CCNT1: variants seen among roughly 807,000 people sequenced by gnomAD.
CCNT1 encodes cyclin-T1.
Under a neutral mutation model 67.3 loss-of-function variants are expected in CCNT1, and 18 were observed. The ratio of observed to expected loss-of-function variants is 0.27; its 90% CI spans 0.18 to 0.40. The LOEUF (loss-of-function observed/expected upper bound fraction) is 0.40, where lower values mean the gene tolerates loss of function less well. Among genes scored for constraint, CCNT1 ranks in the 10% least tolerant of loss-of-function variants. The probability of loss-of-function intolerance (pLI) is 1.00; values close to 1 mark genes in which losing one functional copy is unlikely to be tolerated. For missense variants in CCNT1, 744 were observed against 884.9 expected (o/e 0.84, Z 2.02); for synonymous variants, 333 against 310.3 (o/e 1.07, Z -0.77).
rs61755289 is a variant in CCNT1 at position 48,693,795 on chromosome 12, C to T, written c.1419G>A (p.Ala473=). ...RIPVAGGDKA[A]SSKPEEIKMR... Reference sequence around the variant, plus strand: ...TTTTTATCTCCTCTGGTTTTGAAGACGCAGCTTTATCTCCACCTGCCACTG... The same window carrying T: ...TTTTTATCTCCTCTGGTTTTGAAGATGCAGCTTTATCTCCACCTGCCACTG... The change falls in exon 9 of 9, where the codon GCG becomes GCA. Residue 473 remains alanine (A), a synonymous_variant. Coordinates refer to ENST00000261900, the MANE Select transcript of CCNT1 (RefSeq NM_001240.4). 268 of 1,613,966 alleles carry T rather than the reference C, an allele frequency of 1.7e-4. 1 individual carries two copies. In the South Asian group the frequency reaches 2.6e-3, roughly 16 times the overall value.
chr12:48,698,972 T>C (rs1000354872), intron 5 of CCNT1, among the ~76,000 whole-genome samples: 7 of 151,440 alleles, frequency 4.6e-5, no homozygotes, highest in Non-Finnish European at 8.8e-5. Context: ...AAAAAAAAAG[T>C]TTTTAATTAA....
intron 3 of CCNT1, among the ~76,000 whole-genome samples, chr12:48,701,638 G>A (rs550436929): frequency 2.6e-4 from 39 of 148,752 alleles, no homozygotes; most frequent in African/African-American, 8.9e-4. Flanking sequence ...TTGGAGTTTC[G>A]CTCTTGTTGC....
rs1940038987 is a variant in CCNT1, at chr12:48,689,502, T to C, written c.*3531A>G. 6.6e-6 allele frequency: 1 copy of C among 152,208 alleles called. No individual in the cohort carries two copies. The highest frequency in any genetic ancestry group is 1.5e-5 in the Non-Finnish European group (1 of 68,038). 9.4% of individuals were successfully genotyped at this position (152,208 alleles called of 1,614,324 possible). ...CAAGAAACTTGGGGAGGTATCAAAG[T>C]CACTGAAAGCTTACTGGAACCTCGG... On this transcript the variant is annotated 3_prime_UTR_variant, in exon 9 of 9. Coordinates refer to ENST00000261900, the MANE Select transcript of CCNT1 (RefSeq NM_001240.4).
chr12:48,693,172 A>G lies in CCNT1; in HGVS notation c.2042T>C (p.Phe681Ser), dbSNP rs781546103. Residue 681 changes from phenylalanine to serine, a missense_variant, in exon 9 of 9, where the codon TTT becomes TCT. By Grantham distance (155) the Phe-to-Ser change is radical (BLOSUM62 -2). Coordinates refer to ENST00000261900, the MANE Select transcript of CCNT1 (RefSeq NM_001240.4). ...GTCACTATAAGGACGAACAAATTCA[A>G]ATGCAGTGGGCTGAGTGGGCTGAAC... is the stretch of plus-strand genomic sequence containing the variant. ...QGVQPTQPTA[F>S]EFVRPYSDYL... is the part of the protein sequence containing the mutation. 5 of 1,614,070 alleles carry G rather than the reference A, an allele frequency of 3.1e-6. No individual in the cohort carries two copies. The African/African-American group carries it at 5.3e-5, about 17-fold the overall frequency.
intron 6 of CCNT1, 25 bp downstream of exon 6, chr12:48,698,113 G>A (rs959121338): frequency 2.1e-6 from 3 of 1,428,022 alleles, no homozygotes; most frequent in Non-Finnish European, 9.3e-7. Flanking sequence ...AAAAATCGAA[G>A]AGAAAAAAAA....
In CCNT1 at chr12:48,693,633, C is replaced by T; in HGVS notation, c.1581G>A (p.Lys527=). The change falls in exon 9 of 9, where the codon AAG becomes AAA. Residue 527 remains lysine (K), a synonymous_variant. Coordinates refer to ENST00000261900, the MANE Select transcript of CCNT1 (RefSeq NM_001240.4). ...CAACTGGAAGTTGGGAATGAGAGTG[C>T]TTGTGTGAGTGGTGATTATGATGAT... ...HHHHHNHHSH[K]HSHSQLPVGT... is the part of the protein sequence containing the mutation. The T allele has an allele frequency of 6.2e-7, 1 of 1,614,078 alleles. No homozygotes were observed. Among genetic ancestry groups the T allele is most frequent in the Non-Finnish European group, 8.5e-7 (1 of 1,180,020 alleles).
At chr12:48,712,865 G>C (rs543779055) in intron 2 of CCNT1, among the ~76,000 whole-genome samples, 1 of 151,942 alleles carries the variant, frequency 6.6e-6, no homozygotes, top group Admixed American at 6.6e-5. Flanking sequence ...GCTTGAATCT[G>C]CGAGGCGGAG....
intron 2 of CCNT1, among the ~76,000 whole-genome samples, chr12:48,711,471 TGA>T (rs1368890645): frequency 6.6e-6 from 1 of 152,124 alleles, no homozygotes; most frequent in Non-Finnish European, 1.5e-5. Context: ...CAAACTGATT[TGA>T]GAGTTTCTTT....
chr12:48,712,468 T>C (rs930316678), intron 2 of CCNT1, among the ~76,000 whole-genome samples: 1 of 150,076 alleles, frequency 6.7e-6, no homozygotes, highest in African/African-American at 2.4e-5. Flanking sequence ...AGATGGGGTT[T>C]CTCCATGTTG....
At chr12:48,706,287 G>T (rs7312311) in intron 2 of CCNT1, among the ~76,000 whole-genome samples, 3,095 of 152,294 alleles carry the variant, frequency 0.02, 110 homozygotes, top group African/African-American at 0.07. Context: ...GCCAGGAGCT[G>T]CGGGGAGAGG....
chr12:48,698,294 T>TAC (rs1940211833), intron 5 of CCNT1, 111 bp from the exon 6 acceptor site: 1 of 708,892 alleles, frequency 1.4e-6, no homozygotes, highest in African/African-American at 1.8e-5. Context: ...ACTGTGAATA[T>TAC]AGTGGCAAAT....
chr12:48,701,524 GTTCA>G (rs1940269342), intron 3 of CCNT1, among the ~76,000 whole-genome samples: 1 of 151,786 alleles, frequency 6.6e-6, no homozygotes, highest in Non-Finnish European at 1.5e-5. Context: ...CATATATTTG[GTTCA>G]TTTTCAGGTT....
At chr12:48,704,003 G>C (rs183232737) in intron 3 of CCNT1, among the ~76,000 whole-genome samples, 90 of 152,112 alleles carry the variant, frequency 5.9e-4, no homozygotes, top group Admixed American at 2.0e-3. Flanking sequence ...CTTCTTCATG[G>C]AGAATTGTTA....
chr12:48,716,450 G>C, intron 1 of CCNT1, 65 bp downstream of exon 1: 1 of 1,471,758 alleles, frequency 6.8e-7, no homozygotes, highest in Non-Finnish European at 9.2e-7. Flanking sequence ...CACAGAGCCT[G>C]AGACCCGGAC....
rs761461051 is a variant in CCNT1, at chr12:48,693,639, T to C, written c.1575A>G (p.Ser525=). 1 of 1,614,130 alleles carries C rather than the reference T, an allele frequency of 6.2e-7. No homozygotes were observed. Among genetic ancestry groups the C allele is most frequent in the Non-Finnish European group, 8.5e-7 (1 of 1,180,014 alleles). The change falls in exon 9 of 9, where the codon TCA becomes TCG. Residue 525 remains serine, a synonymous_variant. Coordinates refer to ENST00000261900, the MANE Select transcript of CCNT1 (RefSeq NM_001240.4). ...SNHHHHHNHH[S]HKHSHSQLPV... ...GAAGTTGGGAATGAGAGTGCTTGTG[T>C]GAGTGGTGATTATGATGATGATGAT...
intron 2 of CCNT1, among the ~76,000 whole-genome samples, chr12:48,711,521 C>CT (rs1940450748): frequency 6.6e-6 from 1 of 151,948 alleles, no homozygotes; most frequent in African/African-American, 2.4e-5. Flanking sequence ...AATTTCAAGT[C>CT]TTTATCATAA....
intron 2 of CCNT1, among the ~76,000 whole-genome samples, chr12:48,712,700 G>A (rs1395307071): frequency 3.4e-5 from 5 of 146,126 alleles, no homozygotes; most frequent in African/African-American, 5.0e-5. Context: ...AACACTTTGG[G>A]AGGCTGAGGC....
intron 6 of CCNT1, 82 bp downstream of exon 6, chr12:48,698,056 G>T (rs1343356581): frequency 2.6e-6 from 2 of 783,236 alleles, no homozygotes; most frequent in Non-Finnish European, 3.9e-6. Flanking sequence ...ATTCACCAGA[G>T]AATTATCTAT....
chr12:48,705,288 T>C (rs1040342239), intron 3 of CCNT1, among the ~76,000 whole-genome samples: 1 of 145,206 alleles, frequency 6.9e-6, no homozygotes, highest in Non-Finnish European at 1.6e-5. Flanking sequence ...TTTTTTGTTG[T>C]TGTTGTTGTT....
Sources: allele counts gnomAD v4.1 joint callset (sites outside exome capture counted in the v4.1 genomes callset), GRCh38; gene constraint gnomAD v4.1.1; transcripts MANE v1.5; gene names NCBI Gene and HGNC (gene_info 2026-07-23, HGNC 2026-07-21).